PAK1: variants seen among roughly 807,000 people sequenced by gnomAD.
The protein encoded by PAK1 is serine/threonine-protein kinase PAK 1.
In PAK1, 29 loss-of-function variants were observed where a neutral mutation model predicts 67.4. That is an observed-to-expected ratio of 0.43 (90% CI 0.32 to 0.59). The LOEUF (loss-of-function observed/expected upper bound fraction) is 0.59. Ranked by LOEUF, PAK1 falls within the 20% of genes least tolerant of loss-of-function variation. The pLI, the probability that PAK1 is intolerant of heterozygous loss-of-function variation, is 0.07. For synonymous variants in PAK1, 223 were observed against 237.4 expected (o/e 0.94, Z 0.56); for missense variants, 337 against 670.7 (o/e 0.50, Z 5.50).
chr11:77,389,433 T>C (rs1021117629), intron 2 of PAK1, among the ~76,000 whole-genome samples: 2 of 152,276 alleles, frequency 1.3e-5, no homozygotes, highest in African/African-American at 4.8e-5. Flanking sequence ...TTTGAGGAAC[T>C]GCCAGACTGT....
the PAK1 span, among the ~76,000 whole-genome samples, chr11:77,481,673 CAAA>C: frequency 1.3e-4 from 12 of 94,414 alleles, no homozygotes; most frequent in Middle Eastern, 6.4e-3. Flanking sequence ...GACTCCATCT[CAAA>C]AAAAAAAAAA....
intron 8 of PAK1, among the ~76,000 whole-genome samples, chr11:77,351,880 A>T (rs1378642758): frequency 2.0e-5 from 3 of 148,826 alleles, no homozygotes; most frequent in African/African-American, 7.4e-5. Flanking sequence ...TAGAAATCTC[A>T]TTTTTTTTTT....
At chr11:77,349,186 C>T in intron 9 of PAK1, 53 bp downstream of exon 9, 2 of 1,368,774 alleles carry the variant, frequency 1.5e-6, no homozygotes, top group Non-Finnish European at 2.0e-6. Flanking sequence ...AAAATTAATC[C>T]CAAATAAAAA....
At chr11:77,380,801 A>G (rs1949710425) in intron 2 of PAK1, among the ~76,000 whole-genome samples, 2 of 152,224 alleles carry the variant, frequency 1.3e-5, no homozygotes, top group Admixed American at 6.5e-5. Flanking sequence ...GTAGGTGCTC[A>G]GACAGTAAGT....
At chr11:77,437,245 A>T (rs1461713986) in intron 1 of PAK1, among the ~76,000 whole-genome samples, 1 of 152,218 alleles carries the variant, frequency 6.6e-6, no homozygotes, top group East Asian at 1.9e-4. Flanking sequence ...GTATTAAATG[A>T]GATAACATAT....
intron 5 of PAK1, among the ~76,000 whole-genome samples, chr11:77,368,130 A>G (rs1221624629): frequency 6.6e-6 from 1 of 152,252 alleles, no homozygotes; most frequent in African/African-American, 2.4e-5. Context: ...AAGAGTTCAC[A>G]AAGCTCCCTG....
chr11:77,506,318 C>T, the PAK1 span, among the ~76,000 whole-genome samples: 382 of 152,234 alleles, frequency 2.5e-3, no homozygotes, highest in Non-Finnish European at 3.8e-3. Context: ...TTATTACTCC[C>T]ATGTTATAGG....
chr11:77,513,026 C>T, the PAK1 span, among the ~76,000 whole-genome samples: 1 of 152,118 alleles, frequency 6.6e-6, no homozygotes, highest in Non-Finnish European at 1.5e-5. Flanking sequence ...CCCAGGAAGT[C>T]ATACAGTGAG....
chr11:77,415,460 C>T (rs1286838376), intron 1 of PAK1, among the ~76,000 whole-genome samples: 1 of 152,182 alleles, frequency 6.6e-6, no homozygotes. Flanking sequence ...GTCTACTACA[C>T]ACCTAGCCTA....
At chr11:77,362,770 A>G in intron 5 of PAK1, among the ~76,000 whole-genome samples, 1 of 152,288 alleles carries the variant, frequency 6.6e-6, no homozygotes, top group East Asian at 1.9e-4. Context: ...TGCTAAATGA[A>G]TATGTCTTAT....
At chr11:77,410,995 G>A (rs529377505) in intron 1 of PAK1, among the ~76,000 whole-genome samples, 20 of 152,200 alleles carry the variant, frequency 1.3e-4, no homozygotes, top group South Asian at 8.3e-4. Flanking sequence ...GGCCAGTTTA[G>A]AATCATTAAC....
At chr11:77,371,047 T>G (rs1436017966) in intron 5 of PAK1, among the ~76,000 whole-genome samples, 1 of 152,214 alleles carries the variant, frequency 6.6e-6, no homozygotes, top group East Asian at 1.9e-4. Context: ...CATGTTCTGA[T>G]TCATCACAAA....
At chr11:77,358,579 A>C (rs1393897167) in intron 6 of PAK1, among the ~76,000 whole-genome samples, 1 of 152,180 alleles carries the variant, frequency 6.6e-6, no homozygotes, top group African/African-American at 2.4e-5. Flanking sequence ...GGAATAATTT[A>C]TGTTAGTCCT....
At chr11:77,473,068 C>T (rs1957941177) in intron 1 of PAK1, among the ~76,000 whole-genome samples, 1 of 152,186 alleles carries the variant, frequency 6.6e-6, no homozygotes, top group African/African-American at 2.4e-5. Flanking sequence ...CCTACCAGCC[C>T]TTATTTTTCA....
chr11:77,327,531 A>C (rs1383446671), intron 14 of PAK1, among the ~76,000 whole-genome samples: 2 of 152,086 alleles, frequency 1.3e-5, no homozygotes, highest in Non-Finnish European at 2.9e-5. Context: ...ATCCAGCCAA[A>C]CTAAGCTTCA....
the PAK1 span, among the ~76,000 whole-genome samples, chr11:77,521,473 G>A: frequency 6.6e-6 from 1 of 151,868 alleles, no homozygotes. Context: ...AGGTTGCTGT[G>A]AGCCAAGATC....
intron 1 of PAK1, among the ~76,000 whole-genome samples, chr11:77,455,579 C>CT (rs71043578): frequency 0.7 from 106,765 of 152,048 alleles, 38,347 homozygotes; most frequent in African/African-American, 0.85. Flanking sequence ...GAAGCCCAGC[C>CT]GGGTCCATTT....
At chr11:77,376,736 C>CAAAA (rs35882567) in intron 4 of PAK1, among the ~76,000 whole-genome samples, 1 of 75,262 alleles carries the variant, frequency 1.3e-5, no homozygotes, top group South Asian at 4.1e-4. Context: ...GACTCCATCT[C>CAAAA]AAAAAAAAAA....
intron 1 of PAK1, among the ~76,000 whole-genome samples, chr11:77,431,181 G>C (rs888934509): frequency 6.7e-6 from 1 of 149,302 alleles, no homozygotes; most frequent in Non-Finnish European, 1.5e-5. Flanking sequence ...TACATTATTT[G>C]CAAAATTTTG....
Sources: allele counts gnomAD v4.1 joint callset (sites outside exome capture counted in the v4.1 genomes callset), GRCh38; gene constraint gnomAD v4.1.1; transcripts MANE v1.5; gene names NCBI Gene and HGNC (gene_info 2026-07-23, HGNC 2026-07-21).